Variants in NPAS2 observed in about 807,000 individuals in gnomAD.
NPAS2 encodes neuronal PAS domain-containing protein 2.
NPAS2 carries 23 observed loss-of-function variants against 107.5 expected under a neutral mutation model. That is an observed-to-expected ratio of 0.21 (90% CI 0.15 to 0.30). The LOEUF is 0.30. Among genes scored for constraint, NPAS2 ranks in the 10% least tolerant of loss-of-function variants. NPAS2 has a pLI of 1.00. For synonymous variants in NPAS2, 403 were observed against 417.5 expected, an observed-to-expected ratio of 0.97 and a Z score of 0.42; for missense variants, 756 against 1,043.3, an observed-to-expected ratio of 0.72 and a Z score of 3.79.
At chr2:100,897,180 C>T (rs192286904) in intron 1 of NPAS2, among the ~76,000 whole-genome samples, 1 of 152,254 alleles carries the variant, frequency 6.6e-6, no homozygotes, top group East Asian at 1.9e-4. Context: ...ATTCAATTAC[C>T]TCCCACCTGG....
At chr2:100,885,106 G>A (rs920593302) in intron 1 of NPAS2, among the ~76,000 whole-genome samples, 2 of 151,900 alleles carry the variant, frequency 1.3e-5, no homozygotes, top group African/African-American at 2.4e-5. Context: ...CCACCAGCAC[G>A]CCCAGCTAAT....
At chr2:100,964,974 G>C in intron 9 of NPAS2, 31 bp downstream of exon 9, 1 of 1,461,132 alleles carries the variant, frequency 6.8e-7, no homozygotes, top group Non-Finnish European at 9.3e-7. Flanking sequence ...ATTTGGGTTG[G>C]GCCCTTCTCA....
At chr2:100,914,603 T>TA (rs1311732470) in intron 2 of NPAS2, among the ~76,000 whole-genome samples, 2 of 152,188 alleles carry the variant, frequency 1.3e-5, no homozygotes, top group African/African-American at 2.4e-5. Flanking sequence ...AAGAGTCTCT[T>TA]ATAATTACAG....
intron 1 of NPAS2, among the ~76,000 whole-genome samples, chr2:100,862,203 A>C (rs1053639776): frequency 2.6e-5 from 4 of 152,230 alleles, no homozygotes; most frequent in Non-Finnish European, 5.9e-5. Context: ...GCTACTGCTA[A>C]GTAGATGCGT....
chr2:100,959,785 T>C (rs1675814878), intron 7 of NPAS2, among the ~76,000 whole-genome samples: 1 of 152,228 alleles, frequency 6.6e-6, no homozygotes, highest in Non-Finnish European at 1.5e-5. Flanking sequence ...ACTATTAGTA[T>C]GTTTTCCTCC....
chr2:100,847,406 T>G (rs1015261185), intron 1 of NPAS2, among the ~76,000 whole-genome samples: 6 of 152,132 alleles, frequency 3.9e-5, no homozygotes, highest in African/African-American at 7.2e-5. Flanking sequence ...GTCTCGCTCT[T>G]TCGCCCAGGC....
intron 3 of NPAS2, among the ~76,000 whole-genome samples, chr2:100,929,699 T>C (rs948756499): frequency 8.5e-5 from 13 of 152,110 alleles, no homozygotes; most frequent in African/African-American, 2.9e-4. Flanking sequence ...TCAGGGCTGT[T>C]TGTTGTAGAG....
chr2:100,842,081 G>GCGCGAGCGCACACACACACACA, intron 1 of NPAS2, among the ~76,000 whole-genome samples: 3 of 148,798 alleles, frequency 2.0e-5, no homozygotes, highest in Non-Finnish European at 4.5e-5. Flanking sequence ...GCATGTACGC[G>GCGCGAGCGCACACACACACACA]CACACACACA....
intron 5 of NPAS2, among the ~76,000 whole-genome samples, chr2:100,946,288 C>T (rs1674892156): frequency 6.8e-6 from 1 of 147,624 alleles, no homozygotes; most frequent in South Asian, 2.1e-4. Flanking sequence ...TCACGCCTTG[C>T]CATGTCACCT....
intron 12 of NPAS2, among the ~76,000 whole-genome samples, chr2:100,971,536 C>T (rs1286024033): frequency 1.3e-5 from 2 of 152,160 alleles, no homozygotes; most frequent in African/African-American, 2.4e-5. Context: ...AGGACCCAGG[C>T]ACCCTATGGG....
Position 100,988,188 on chromosome 2 carries a change from G to C in NPAS2, c.1739G>C (p.Gly580Ala). The C allele has an allele frequency of 1.9e-6, 3 of 1,614,178 alleles. No homozygotes were observed. In the East Asian group the frequency reaches 6.7e-5, roughly 36 times the overall value. Residue 580 changes from glycine (G) to alanine (A), a missense_variant, in exon 17 of 21, where the codon GGG becomes GCG. Transcript: ENST00000335681. ...RSAAVTQPQL[G>A]AGPQLPGQIS... is the part of the protein sequence containing the mutation. ...GCTGCAGTGACTCAGCCCCAGCTCG[G>C]GGCGGGCCCCCAACTTCCAGGGCAG... is the stretch of plus-strand genomic sequence containing the variant.
chr2:100,834,118 C>T (rs1038986375), intron 1 of NPAS2, among the ~76,000 whole-genome samples: 1 of 152,064 alleles, frequency 6.6e-6, no homozygotes, highest in Non-Finnish European at 1.5e-5. Flanking sequence ...GACCAGCCGA[C>T]CCCTTCCTGG....
intron 2 of NPAS2, among the ~76,000 whole-genome samples, chr2:100,920,967 A>G (rs1683188761): frequency 6.6e-6 from 1 of 152,166 alleles, no homozygotes; most frequent in Non-Finnish European, 1.5e-5. Context: ...CCCTTCCCCA[A>G]CGGGGAACAC....
At chr2:100,867,904 C>A (rs538720423) in intron 1 of NPAS2, among the ~76,000 whole-genome samples, 1 of 151,944 alleles carries the variant, frequency 6.6e-6, no homozygotes, top group South Asian at 2.1e-4. Context: ...TTTTTTCTGC[C>A]TTTTTTTCCC....
chr2:100,953,375 T>TAA (rs770159746), intron 7 of NPAS2, among the ~76,000 whole-genome samples: 292 of 86,810 alleles, frequency 3.4e-3, no homozygotes, highest in African/African-American at 4.3e-3. Flanking sequence ...CTCCATCTCA[T>TAA]AAAAAAAAAA....
chr2:100,913,640 C>T (rs539052845), intron 2 of NPAS2, among the ~76,000 whole-genome samples: 2 of 152,240 alleles, frequency 1.3e-5, no homozygotes, highest in Non-Finnish European at 2.9e-5. Flanking sequence ...TTTTTCCCCC[C>T]TCTTTTCTCT....
chr2:100,965,126 T>TG lies in NPAS2; in HGVS notation c.800+184dup, dbSNP rs1323903142. On this transcript the variant is annotated intron_variant, in intron 9 of 20. Coordinates refer to ENST00000335681, the MANE Select transcript of NPAS2 (RefSeq NM_002518.4). The surrounding 1 kb of genome is among the most constrained non-coding windows in gnomAD (Gnocchi z 4.3). Reference sequence around the variant, plus strand: ...CCCTCCAACTTCATCTGCCCCATCGTGAATATGTTCTGTGTTTGGGTCTGA... The same window carrying TG: ...CCCTCCAACTTCATCTGCCCCATCGTGGAATATGTTCTGTGTTTGGGTCTGA... Among the ~76,000 whole-genome samples, 2 of 152,208 alleles carry TG rather than the reference T, an allele frequency of 1.3e-5. No individual in the cohort carries two copies. The highest frequency in any genetic ancestry group is 4.8e-5 in the African/African-American group (2 of 41,460).
intron 7 of NPAS2, among the ~76,000 whole-genome samples, chr2:100,959,098 A>G: frequency 9.5e-6 from 1 of 105,308 alleles, no homozygotes; most frequent in East Asian, 2.1e-4. Flanking sequence ...TCAAAAAAAA[A>G]AAAAAAAAAA....
Position 100,820,220 on chromosome 2 carries a change from G to T in NPAS2, c.-217G>T. On this transcript the variant is annotated 5_prime_UTR_variant, in exon 1 of 21. Coordinates refer to ENST00000335681, the MANE Select transcript of NPAS2 (RefSeq NM_002518.4). This position sits in a 1 kb window ranked among gnomAD's most constrained non-coding sequence, Gnocchi z 5.6. ...CGCGCGGCTGCGGCCCAGGAGCGGC[G>T]GCCGCGGAGCCCGGAGACCCGCAGC... The T allele has an allele frequency of 1.3e-5, 2 of 149,140 alleles. No individual in the cohort carries two copies. The highest frequency in any genetic ancestry group is 3.6e-4 in the South Asian group (2 of 5,516). The allele number at this position is 149,140 out of a possible 1,614,324, so 9.2% of individuals were successfully genotyped here. A position where few individuals can be genotyped will look rare whatever the true frequency, so the allele number is the denominator to read the frequency against.
Sources: gnomAD v4.1 joint callset for allele counts (sites outside exome capture counted in the v4.1 genomes callset) on GRCh38, gnomAD v4.1.1 for gene constraint, Gnocchi (gnomAD v3.1) non-coding constraint, MANE v1.5 for transcripts, NCBI Gene and HGNC (gene_info 2026-07-23, HGNC 2026-07-21) for gene names.